The following PCDH15 variants were observed in gnomAD, a reference collection of about 807,000 sequenced individuals.
PCDH15 encodes the protein protocadherin related 15, also known as protocadherin-15.
A neutral mutation model predicts 178.5 loss-of-function variants in PCDH15; 129 were observed. The observed-to-expected ratio is 0.72, with a 90% CI of 0.63 to 0.84. The LOEUF is 0.84. PCDH15 is among the 40% of genes least tolerant of loss of function. The pLI is 0.00. For synonymous variants in PCDH15, 800 were observed against 732.0 expected (o/e 1.09, Z -1.50); for missense variants, 2,230 against 2,099.9 (o/e 1.06, Z -1.21).
intron 1 of PCDH15, among the ~76,000 whole-genome samples, chr10:55,315,165 G>A (rs1454666324): frequency 6.6e-6 from 1 of 151,968 alleles, no homozygotes; most frequent in Non-Finnish European, 1.5e-5. Context: ...TATAATAGTA[G>A]ATAATAATAT....
At chr10:55,278,424 T>G (rs1374119426) in intron 1 of PCDH15, among the ~76,000 whole-genome samples, 2 of 152,156 alleles carry the variant, frequency 1.3e-5, no homozygotes, top group African/African-American at 4.8e-5. Context: ...TTTCTCTCAC[T>G]ATGTTGGTCA....
At chr10:54,978,680 G>T (rs1839137336) in intron 2 of PCDH15, among the ~76,000 whole-genome samples, 1 of 152,092 alleles carries the variant, frequency 6.6e-6, no homozygotes, top group Non-Finnish European at 1.5e-5. Flanking sequence ...AATGGAAAAG[G>T]CATTGACTTA....
intron 5 of PCDH15, among the ~76,000 whole-genome samples, chr10:54,360,411 G>A (rs1945813620): frequency 6.6e-6 from 1 of 152,046 alleles, no homozygotes; most frequent in African/African-American, 2.4e-5. Flanking sequence ...TTCTGGCAAT[G>A]TTTGTTGCCT....
Position 55,328,549 on chromosome 10 carries a change from C to A in PCDH15, c.-155-161898G>T, listed in dbSNP as rs1844098022. On this transcript the variant is annotated intron_variant, in intron 2 of 5. Coordinates refer to the PCDH15 transcript ENST00000613346. ...TGGGATCGCCATTATATATACAGTC[C>A]ATCATTGGCATCATTATTCAGCACA... Among the ~76,000 whole-genome samples, 7 of 151,328 alleles carry A rather than the reference C, an allele frequency of 4.6e-5. No homozygotes were observed. In the South Asian group the frequency reaches 1.5e-3, roughly 31 times the overall value.
At chr10:53,911,692 T>C (rs2083099777) in intron 25 of PCDH15, among the ~76,000 whole-genome samples, 1 of 152,168 alleles carries the variant, frequency 6.6e-6, no homozygotes, top group African/African-American at 2.4e-5. Context: ...ACAAAATTGA[T>C]AGACTGCTAG....
chr10:55,539,033 G>C (rs28612241), intron 2 of PCDH15, among the ~76,000 whole-genome samples: 1 of 58,052 alleles, frequency 1.7e-5, no homozygotes, highest in African/African-American at 7.2e-5. Flanking sequence ...CCTTCCTTGC[G>C]TCCTTCCTTC....
intron 2 of PCDH15, among the ~76,000 whole-genome samples, chr10:54,631,323 C>T (rs1391089078): frequency 2.6e-5 from 4 of 152,064 alleles, no homozygotes; most frequent in African/African-American, 9.7e-5. Context: ...GTACAGCCTG[C>T]AGAACAATTA....
intron 3 of PCDH15, among the ~76,000 whole-genome samples, chr10:54,509,142 G>C (rs2081420170): frequency 6.6e-6 from 1 of 151,960 alleles, no homozygotes; most frequent in Non-Finnish European, 1.5e-5. Context: ...ACTGGTTATT[G>C]ACACTTATTG....
At chr10:54,806,062 A>C (rs1482623525), upstream of PCDH15, among the ~76,000 whole-genome samples, 1 of 152,222 alleles carries the variant, frequency 6.6e-6, no homozygotes, top group African/African-American at 2.4e-5. Flanking sequence ...AGAAGTGCAG[A>C]TAATATTTGT....
intron 1 of PCDH15, among the ~76,000 whole-genome samples, chr10:55,311,382 T>G (rs1232340707): frequency 6.6e-6 from 1 of 152,112 alleles, no homozygotes. Flanking sequence ...CATTCAAGAG[T>G]GCCTCCATAG....
intron 3 of PCDH15, among the ~76,000 whole-genome samples, chr10:54,895,248 C>G (rs1954526796): frequency 6.6e-6 from 1 of 152,050 alleles, no homozygotes; most frequent in Non-Finnish European, 1.5e-5. Context: ...CCGTGAAGGG[C>G]CCATCTATAA....
At chr10:54,568,835 C>A (rs544337741) in intron 2 of PCDH15, among the ~76,000 whole-genome samples, 95 of 152,118 alleles carry the variant, frequency 6.2e-4, no homozygotes, top group Non-Finnish European at 1.1e-3. Context: ...TTAAACTCAT[C>A]ATCATCATTC....
At chr10:55,146,534 C>G (rs1838517575) in intron 2 of PCDH15, among the ~76,000 whole-genome samples, 1 of 151,884 alleles carries the variant, frequency 6.6e-6, no homozygotes, top group African/African-American at 2.4e-5. Context: ...CCCCTATACT[C>G]AGGTTTCTGC....
At position 54,065,346 on chromosome 10, in the gene PCDH15, A is replaced by G. The variant is rs534211673; in HGVS notation, c.2220+1411T>C. ...CCTTATGATTGCTGGTTTAATAGCAATCTTGTTACTGGCTACCTTCTCTTC... is the reference window on the plus strand; with the variant it reads ...CCTTATGATTGCTGGTTTAATAGCAGTCTTGTTACTGGCTACCTTCTCTTC... On this transcript the variant is annotated intron_variant, in intron 18 of 37. Transcript: ENST00000644397. Among the ~76,000 whole-genome samples, 210 of 152,256 alleles carry G rather than the reference A, an allele frequency of 1.4e-3. 2 individuals are homozygous for G. Among genetic ancestry groups the G allele is most frequent in the Middle Eastern group, 3.4e-3 (1 of 294 alleles).
intron 1 of PCDH15, among the ~76,000 whole-genome samples, chr10:54,736,899 A>G (rs1944200126): frequency 1.3e-5 from 2 of 152,066 alleles, no homozygotes; most frequent in Non-Finnish European, 2.9e-5. Context: ...AGGTATAACG[A>G]ATCACTTGAT....
intron 5 of PCDH15, among the ~76,000 whole-genome samples, chr10:54,366,070 G>C (rs556038393): frequency 6.6e-6 from 1 of 152,084 alleles, no homozygotes; most frequent in South Asian, 2.1e-4. Flanking sequence ...AGTAGTGAGG[G>C]GATGATTGAC....
chr10:54,487,756 T>C (rs1164182970), intron 3 of PCDH15, among the ~76,000 whole-genome samples: 2 of 152,016 alleles, frequency 1.3e-5, no homozygotes, highest in African/African-American at 4.8e-5. Context: ...AAAGTCATAG[T>C]CAAAAGTTGT....
At chr10:54,401,462 C>T (rs551546693) in intron 3 of PCDH15, among the ~76,000 whole-genome samples, 1 of 151,820 alleles carries the variant, frequency 6.6e-6, no homozygotes, top group East Asian at 1.9e-4. Flanking sequence ...AGAAATAACT[C>T]CTTATTCTAA....
At chr10:54,381,005 A>G (rs1231214969) in intron 3 of PCDH15, among the ~76,000 whole-genome samples, 1 of 151,366 alleles carries the variant, frequency 6.6e-6, no homozygotes, top group East Asian at 1.9e-4. Flanking sequence ...GTGTGTTGAA[A>G]GAGTTTTGTT....
Sources: gnomAD v4.1 joint callset for allele counts (sites outside exome capture counted in the v4.1 genomes callset) on GRCh38, gnomAD v4.1.1 for gene constraint, MANE v1.5 for transcripts, NCBI Gene and HGNC (gene_info 2026-07-23, HGNC 2026-07-21) for gene names.